SHROOM4: variants seen among roughly 807,000 people sequenced by gnomAD.
The protein encoded by SHROOM4 is shroom family member 4.
SHROOM4 carries 17 observed loss-of-function variants against 80.3 expected under a neutral mutation model. The observed-to-expected ratio is 0.21, with a 90% CI of 0.14 to 0.32. The LOEUF (loss-of-function observed/expected upper bound fraction) is 0.32, where lower values mean the gene tolerates loss of function less well. Ranked by LOEUF, SHROOM4 falls within the 10% of genes least tolerant of loss-of-function variation. SHROOM4 has a pLI of 1.00. For missense variants in SHROOM4, 993 were observed against 1,140.3 expected (o/e 0.87, Z 1.86); for synonymous variants, 400 against 437.5 (o/e 0.91, Z 1.07).
At chrX:50,652,415 TG>T (rs1431922218) in intron 2 of SHROOM4, among the ~76,000 whole-genome samples, 1 of 112,112 alleles carries the variant, frequency 8.9e-6, no homozygotes, top group African/African-American at 3.2e-5. Context: ...ACCTATTTTT[TG>T]ATGGGTTTTT....
intron 1 of SHROOM4, among the ~76,000 whole-genome samples, chrX:50,801,094 C>A (rs1186531059): frequency 5.5e-5 from 6 of 108,880 alleles, no homozygotes; most frequent in African/African-American, 2.0e-4. Context: ...TCATCTGAAT[C>A]TCCCAGTTTA....
chrX:50,769,944 A>G (rs959029778), intron 1 of SHROOM4, among the ~76,000 whole-genome samples: 13 of 109,745 alleles, frequency 1.2e-4, no homozygotes, highest in African/African-American at 4.3e-4. Flanking sequence ...TAGACACTGC[A>G]TTAGTCATCT....
At position 50,596,380 on chromosome X, in the gene SHROOM4, T is replaced by C. The variant is rs1557246615; in HGVS notation, c.*315A>G. The C allele has an allele frequency of 2.3e-6, 1 of 434,139 alleles. No homozygotes were observed. Among genetic ancestry groups the C allele is most frequent in the African/African-American group, 2.4e-5 (1 of 42,275 alleles). 35.8% of individuals were successfully genotyped at this position (434,139 alleles called of 1,213,427 possible). A position where few individuals can be genotyped will look rare whatever the true frequency, so the allele number is the denominator to read the frequency against. On this transcript the variant is annotated 3_prime_UTR_variant, in exon 9 of 9. Transcript: ENST00000376020. ...TGAGTACTTGATGTCTTTGGTGTCC[T>C]AGTACAAAGCAGAATGAAGGCACTT...
intron 5 of SHROOM4, among the ~76,000 whole-genome samples, chrX:50,609,350 A>C (rs1214515061): frequency 1.8e-5 from 2 of 111,757 alleles, no homozygotes; most frequent in African/African-American, 6.5e-5. Context: ...TTAGAAAATT[A>C]ACTTGTAATA....
At position 50,607,873 on chromosome X, in the gene SHROOM4, T is replaced by A. The variant is rs1557248993; in HGVS notation, c.3269A>T (p.Asp1090Val). 2 of 1,208,202 alleles carry A rather than the reference T, an allele frequency of 1.7e-6. No homozygotes were observed. Among genetic ancestry groups the A allele is most frequent in the Non-Finnish European group, 2.2e-6 (2 of 893,415 alleles). ...GGCCTTCTTCCTGGCTCCGAGAAGATCCGACTGGGTCTCATCACCTTTGCT... is the reference window on the plus strand; with the variant it reads ...GGCCTTCTTCCTGGCTCCGAGAAGAACCGACTGGGTCTCATCACCTTTGCT... The part of the protein sequence containing the change: ...LFSKGDETQS[D>V]LLGARKKAFP... Residue 1090 changes from aspartate (D) to valine (V), a missense_variant, in exon 6 of 9, where the codon GAT (aspartate) becomes GTT (valine). Asp to Val is a radical substitution (Grantham distance 152). Coordinates refer to ENST00000376020, the MANE Select transcript of SHROOM4 (RefSeq NM_020717.5).
intron 3 of SHROOM4, 111 bp from the exon 4 acceptor site, chrX:50,635,779 C>G (rs782270038): frequency 2.1e-5 from 8 of 379,369 alleles, no homozygotes; most frequent in African/African-American, 1.9e-4. Context: ...GGAGGGTAGG[C>G]AAAAAAAAAA....
At chrX:50,783,843 T>G (rs7887117) in intron 1 of SHROOM4, among the ~76,000 whole-genome samples, 3,220 of 112,205 alleles carry the variant, frequency 0.029, 53 homozygotes, top group Middle Eastern at 0.065. Context: ...CCCAAAGTGC[T>G]GGGATTACAG....
intron 2 of SHROOM4, among the ~76,000 whole-genome samples, chrX:50,671,563 A>T (rs1337251420): frequency 8.9e-6 from 1 of 112,156 alleles, no homozygotes; most frequent in Non-Finnish European, 1.9e-5. Context: ...TCTTTCCTTA[A>T]GCCTCATGAA....
intron 2 of SHROOM4, among the ~76,000 whole-genome samples, chrX:50,667,010 C>A (rs940361877): frequency 8.9e-6 from 1 of 111,917 alleles, no homozygotes; most frequent in East Asian, 2.8e-4. Flanking sequence ...TCATTTTTAG[C>A]TGAACAAGGG....
intron 2 of SHROOM4, among the ~76,000 whole-genome samples, chrX:50,662,778 A>G (rs1356601521): frequency 9.0e-6 from 1 of 111,579 alleles, no homozygotes; most frequent in Non-Finnish European, 1.9e-5. Flanking sequence ...TTAAAAACTT[A>G]CTGAAAAATT....
At chrX:50,639,174 G>A (rs1364038346) in intron 2 of SHROOM4, among the ~76,000 whole-genome samples, 1 of 112,485 alleles carries the variant, frequency 8.9e-6, no homozygotes, top group African/African-American at 3.2e-5. Flanking sequence ...GGCATACTTC[G>A]CATGAGCAGT....
At chrX:50,813,160 T>TGGCGGCGGCGGCGGCGGCGGCGGC (rs781798597) in intron 1 of SHROOM4, among the ~76,000 whole-genome samples, 19 of 102,021 alleles carry the variant, frequency 1.9e-4, no homozygotes, top group Middle Eastern at 5.0e-3. Flanking sequence ...GCGGCGGCAG[T>TGGCGGCGGCGGCGGCGGCGGCGGC]GGCGGCGGCG....
chrX:50,719,187 T>C (rs187281866), intron 1 of SHROOM4, among the ~76,000 whole-genome samples: 1 of 112,142 alleles, frequency 8.9e-6, no homozygotes, highest in Non-Finnish European at 1.9e-5. Context: ...AGCTCCAATG[T>C]AGAGACGGGA....
At chrX:50,764,399 T>TG (rs1156487479) in intron 1 of SHROOM4, among the ~76,000 whole-genome samples, 1 of 91,713 alleles carries the variant, frequency 1.1e-5, no homozygotes, top group Admixed American at 1.1e-4. Context: ...ACACTGCGAG[T>TG]GGGGGGAAAA....
intron 2 of SHROOM4, among the ~76,000 whole-genome samples, chrX:50,647,860 C>A (rs992129994): frequency 8.9e-6 from 1 of 111,893 alleles, no homozygotes. Flanking sequence ...TGCTTTGATA[C>A]AACTTGACAA....
rs782035670 is a variant in SHROOM4, at chrX:50,657,783, A to G, written c.270-19475T>C. On this transcript the variant is annotated intron_variant, in intron 2 of 8. Transcript: ENST00000376020. The stretch of plus-strand genomic sequence containing the variant: ...TTCCTTCTGCAAGTATTGCTTTGGG[A>G]AAAAAAAAAGAAACACTTAAAAATC... 1.6e-3 allele frequency among the ~76,000 whole-genome samples: 138 copies of G among 86,628 alleles called. 1 individual carries two copies. The highest frequency in any genetic ancestry group is 2.2e-3 in the Non-Finnish European group (104 of 46,706). 75.2% of individuals were successfully genotyped at this position (86,628 alleles called of 115,157 possible). A position where few individuals can be genotyped will look rare whatever the true frequency, so the allele number is the denominator to read the frequency against.
chrX:50,698,858 C>T (rs1332690810), intron 1 of SHROOM4, among the ~76,000 whole-genome samples: 2 of 111,489 alleles, frequency 1.8e-5, no homozygotes, highest in South Asian at 3.8e-4. Flanking sequence ...GATGGAGGGG[C>T]GAAAGATGAT....
Position 50,750,641 on chromosome X carries a change from A to G in SHROOM4, c.118-54704T>C, listed in dbSNP as rs781942497. Among the ~76,000 whole-genome samples the G allele has an allele frequency of 5.4e-5, 6 of 112,129 alleles. No individual in the cohort carries two copies. The East Asian group carries it at 1.4e-3, about 26-fold the overall frequency. On this transcript the variant is annotated intron_variant, in intron 1 of 8. Transcript: ENST00000376020. ...GGTAGCCTCCTTCTTAAAATGTTCA[A>G]TGATCTCCTGTTTCTGCTGCTATGC...
rs782591424 is a variant in SHROOM4 at position 50,610,352 on chromosome X, T to TCTCTCA, written c.2958-2169_2958-2168insTGAGAG. 3.3e-5 allele frequency among the ~76,000 whole-genome samples: 3 copies of TCTCTCA among 91,720 alleles called. No individual in the cohort carries two copies. In the South Asian group the frequency reaches 1.7e-3, roughly 52 times the overall value. The allele number at this position is 91,720 out of a possible 115,157, so 79.6% of individuals were successfully genotyped here. ...GGCATATTCTCTCTCTCTCTCTCTC[T>TCTCTCA]CACACACACACACACACACACACAC... On this transcript the variant is annotated intron_variant, in intron 5 of 8. Coordinates refer to ENST00000376020, the MANE Select transcript of SHROOM4 (RefSeq NM_020717.5).
Sources: gnomAD v4.1 joint callset for allele counts (sites outside exome capture counted in the v4.1 genomes callset) on GRCh38, gnomAD v4.1.1 for gene constraint, MANE v1.5 for transcripts, NCBI Gene and HGNC (gene_info 2026-07-23, HGNC 2026-07-21) for gene names.